SASH1: variants seen among roughly 807,000 people sequenced by gnomAD.
The protein encoded by SASH1 is SAM and SH3 domain containing 1, also known as SAM and SH3 domain-containing protein 1.
SASH1 carries 44 observed loss-of-function variants against 125.2 expected under a neutral mutation model. The ratio of observed to expected loss-of-function variants is 0.35; its 90% confidence interval spans 0.28 to 0.45. The LOEUF (loss-of-function observed/expected upper bound fraction) is 0.45, where lower values mean the gene tolerates loss of function less well. Ranked by LOEUF, SASH1 falls within the 20% of genes least tolerant of loss-of-function variation. The pLI is 1.00. For synonymous variants in SASH1, 639 were observed against 649.1 expected (o/e 0.98, Z 0.24); for missense variants, 1,426 against 1,614.5 (o/e 0.88, Z 2.00).
At chr6:148,454,103 A>G (rs756644003) in intron 4 of SASH1, among the ~76,000 whole-genome samples, 2 of 152,126 alleles carry the variant, frequency 1.3e-5, no homozygotes, top group African/African-American at 2.4e-5. Flanking sequence ...CCATGCCATC[A>G]GTCACCGTCT....
the SASH1 span, among the ~76,000 whole-genome samples, chr6:148,265,975 C>CT: frequency 0.15 from 21,399 of 145,562 alleles, 1,613 homozygotes; most frequent in Non-Finnish European, 0.18. Flanking sequence ...TTCAGCAATT[C>CT]TTTTTTTTTT....
chr6:148,393,031 G>T (rs1331190127), intron 2 of SASH1, among the ~76,000 whole-genome samples: 4 of 144,626 alleles, frequency 2.8e-5, no homozygotes, highest in Non-Finnish European at 6.0e-5. Flanking sequence ...CTGAATTCTT[G>T]AATGTTTCAA....
intron 2 of SASH1, among the ~76,000 whole-genome samples, chr6:148,415,343 C>T (rs1784783094): frequency 6.6e-6 from 1 of 152,092 alleles, no homozygotes; most frequent in Non-Finnish European, 1.5e-5. Context: ...ATAGTAAGTG[C>T]GAGGAAATAG....
chr6:148,490,401 G>A (rs1285342984), intron 8 of SASH1, among the ~76,000 whole-genome samples: 1 of 151,920 alleles, frequency 6.6e-6, no homozygotes, highest in African/African-American at 2.4e-5. Context: ...GTAGAGACAG[G>A]GTTTCACCAT....
chr6:148,206,346 C>T, the SASH1 span, among the ~76,000 whole-genome samples: 1 of 152,046 alleles, frequency 6.6e-6, no homozygotes, highest in Non-Finnish European at 1.5e-5. Context: ...GAAACTTTAT[C>T]CCATATTGCA....
chr6:148,487,120 T>C (rs562704408), intron 7 of SASH1, among the ~76,000 whole-genome samples: 13,868 of 135,504 alleles, frequency 0.1, 1,040 homozygotes, highest in Non-Finnish European at 0.13. Flanking sequence ...CACATATATA[T>C]ATATATATAT....
the SASH1 span, among the ~76,000 whole-genome samples, chr6:148,258,161 C>T: frequency 6.6e-6 from 1 of 151,968 alleles, no homozygotes; most frequent in South Asian, 2.1e-4. Flanking sequence ...TCAAGAGATC[C>T]TCCTACCTTA....
At chr6:148,270,425 A>G (rs1293627652), upstream of SASH1, among the ~76,000 whole-genome samples, 1 of 152,168 alleles carries the variant, frequency 6.6e-6, no homozygotes, top group Non-Finnish European at 1.5e-5. Context: ...AAATAAGTGC[A>G]TTACTGATAC....
At chr6:148,456,317 G>A (rs1777342332) in intron 4 of SASH1, among the ~76,000 whole-genome samples, 1 of 152,032 alleles carries the variant, frequency 6.6e-6, no homozygotes, top group Non-Finnish European at 1.5e-5. Flanking sequence ...AGGGATCAGT[G>A]ACCCCATCTC....
At chr6:148,477,672 C>G (rs1235246413) in intron 7 of SASH1, among the ~76,000 whole-genome samples, 1 of 150,710 alleles carries the variant, frequency 6.6e-6, no homozygotes, top group East Asian at 2.0e-4. Flanking sequence ...ATCACAGGTG[C>G]CTGCCACCAC....
chr6:148,538,880 G>A (rs1265337520), intron 16 of SASH1, among the ~76,000 whole-genome samples: 1 of 152,186 alleles, frequency 6.6e-6, no homozygotes, highest in Non-Finnish European at 1.5e-5. Flanking sequence ...TGTAGAAAAT[G>A]TTTTCTTGGT....
the SASH1 span, among the ~76,000 whole-genome samples, chr6:148,246,164 A>G: frequency 6.6e-6 from 1 of 151,706 alleles, no homozygotes; most frequent in African/African-American, 2.4e-5. Context: ...TCTCTGTCTT[A>G]TAGATTACCC....
At chr6:148,369,381 T>G (rs145119119) in intron 1 of SASH1, among the ~76,000 whole-genome samples, 7 of 152,178 alleles carry the variant, frequency 4.6e-5, no homozygotes, top group Admixed American at 4.6e-4. Flanking sequence ...TGCAGGAAAG[T>G]TTTTTGAAGA....
At chr6:148,378,702 C>T (rs77757433) in intron 1 of SASH1, among the ~76,000 whole-genome samples, 1,946 of 152,254 alleles carry the variant, frequency 0.013, 13 homozygotes, top group Non-Finnish European at 0.021. Flanking sequence ...CTTTTCTCTT[C>T]CTGTTGGGCT....
the SASH1 span, among the ~76,000 whole-genome samples, chr6:148,220,458 A>G: frequency 6.6e-6 from 1 of 152,206 alleles, no homozygotes; most frequent in South Asian, 2.1e-4. Flanking sequence ...TAATACCACC[A>G]CAATGAGAAT....
chr6:148,525,447 A>G, intron 11 of SASH1, 82 bp downstream of exon 11: 3 of 1,113,912 alleles, frequency 2.7e-6, no homozygotes, highest in Non-Finnish European at 4.1e-6. Flanking sequence ...ATCTTTGAGA[A>G]TTGATACTGG....
chr6:148,524,119 A>ATTTTTT (rs1404681101), intron 10 of SASH1, among the ~76,000 whole-genome samples: 40 of 125,156 alleles, frequency 3.2e-4, no homozygotes, highest in African/African-American at 1.1e-3. Context: ...ATATATATAT[A>ATTTTTT]TATTTTTTTT....
intron 1 of SASH1, among the ~76,000 whole-genome samples, chr6:148,305,623 C>CAAAAAAAA (rs59521298): frequency 1.0e-3 from 109 of 103,944 alleles, no homozygotes; most frequent in East Asian, 1.8e-3. Flanking sequence ...GACTCTGACT[C>CAAAAAAAA]AAAAAAAAAA....
At chr6:148,291,322 TG>T (rs768248827) in intron 1 of SASH1, among the ~76,000 whole-genome samples, 2 of 152,234 alleles carry the variant, frequency 1.3e-5, no homozygotes, top group Non-Finnish European at 2.9e-5. Flanking sequence ...AAATATCACA[TG>T]CATCCCATAA....
Sources: allele counts gnomAD v4.1 joint callset (sites outside exome capture counted in the v4.1 genomes callset), GRCh38; gene constraint gnomAD v4.1.1; transcripts MANE v1.5; gene names NCBI Gene and HGNC (gene_info 2026-07-23, HGNC 2026-07-21).